DNAH10: variants seen among roughly 807,000 people sequenced by gnomAD.
DNAH10 encodes axonemal beta dynein heavy chain 10.
In DNAH10, 348 loss-of-function variants were observed where a neutral mutation model predicts 506.6. The observed-to-expected ratio is 0.69, with a 90% CI of 0.63 to 0.75. The LOEUF (loss-of-function observed/expected upper bound fraction) is 0.75, where lower values mean the gene tolerates loss of function less well. Among genes scored for constraint, DNAH10 ranks in the 30% least tolerant of loss-of-function variants. DNAH10 has a pLI of 0.00. For missense variants in DNAH10, 5,179 were observed against 5,787.1 expected, an observed-to-expected ratio of 0.89 and a Z score of 3.41; for synonymous variants, 2,059 against 2,198.6, an observed-to-expected ratio of 0.94 and a Z score of 1.78.
chr12:123,806,033 C>T (rs1454533737), intron 18 of DNAH10, among the ~76,000 whole-genome samples: 3 of 152,180 alleles, frequency 2.0e-5, no homozygotes, highest in Non-Finnish European at 2.9e-5. Flanking sequence ...GCGTTGGCCT[C>T]CCAAAGTGCT....
intron 77 of DNAH10, among the ~76,000 whole-genome samples, chr12:123,933,871 C>G (rs1459895911): frequency 6.6e-6 from 1 of 152,184 alleles, no homozygotes; most frequent in Non-Finnish European, 1.5e-5. Flanking sequence ...GGCATGGGAG[C>G]CACAGAGCAG....
chr12:123,800,104 T>C, intron 14 of DNAH10, 112 bp from the exon 15 acceptor site: 1 of 988,106 alleles, frequency 1.0e-6, no homozygotes. Context: ...CACCCCCGTC[T>C]GGTGAAGGGC....
In DNAH10 at chr12:123,881,697, T is replaced by G. The variant is rs1189968273; in HGVS notation, c.8707T>G (p.Leu2903Val). ...LVLFDDALEH[L>V]TRVHRIIRMD... is the part of the protein sequence containing the mutation. ...TCTCTTCGACGATGCTCTGGAGCAT[T>G]TAACCCGGGTGCACCGTATCATCCG... is the stretch of plus-strand genomic sequence containing the variant. The change falls in exon 51 of 79, where the codon TTA becomes GTA. Residue 2903 changes from leucine to valine, a missense_variant. Transcript: ENST00000673944. The G allele has an allele frequency of 2.6e-6, 4 of 1,550,464 alleles. No homozygotes were observed. The highest frequency in any genetic ancestry group is 3.5e-6 in the Non-Finnish European group (4 of 1,146,564).
Position 123,902,906 on chromosome 12 carries a change from C to T in DNAH10, c.9641-33C>T. On this transcript the variant is annotated intron_variant, in intron 56 of 78. Transcript: ENST00000673944. This position sits in a 1 kb window ranked among gnomAD's most constrained non-coding sequence, Gnocchi z 4.5. ...GCCGCGAGTGCATCTCCTCTGAGCC[C>T]AAGCTTTACTCACCCCCTGTCCTAC... 2 of 1,554,034 alleles carry T rather than the reference C, an allele frequency of 1.3e-6. No homozygotes were observed. Among genetic ancestry groups the T allele is most frequent in the Non-Finnish European group, 8.7e-7 (1 of 1,149,334 alleles).
In DNAH10 at chr12:123,903,000, C is replaced by T; in HGVS notation, c.9702C>T (p.Val3234=). The T allele has an allele frequency of 6.3e-7, 1 of 1,599,306 alleles. No individual in the cohort carries two copies. Among genetic ancestry groups the T allele is most frequent in the East Asian group, 2.3e-5 (1 of 44,106 alleles). Residue 3234 remains valine (V), a synonymous_variant, in exon 57 of 79, where the codon GTC becomes GTT. Transcript: ENST00000673944. This position sits in a 1 kb window ranked among gnomAD's most constrained non-coding sequence, Gnocchi z 4.5. ...TGGAGATAGAGGAGCAGAACAAAGT[C>T]ATTGCCATGGAGAAGGCCGAGGCCG... The part of the protein sequence containing the change: ...KAMEIEEQNK[V]IAMEKAEAET...
At chr12:123,809,025 A>G in intron 19 of DNAH10, 72 bp downstream of exon 19, 1 of 1,566,550 alleles carries the variant, frequency 6.4e-7, no homozygotes, top group Middle Eastern at 1.7e-4. Context: ...AAGTGCTGGG[A>G]CTATAGGCGT....
intron 18 of DNAH10, among the ~76,000 whole-genome samples, chr12:123,805,869 C>T (rs571304887): frequency 2.0e-5 from 3 of 151,650 alleles, no homozygotes; most frequent in Non-Finnish European, 4.4e-5. Flanking sequence ...CTCCGCCTCC[C>T]GGGTTCATGC....
rs2137281565 is a variant in DNAH10 at position 123,902,018 on chromosome 12, C to G, written c.9641-921C>G. On this transcript the variant is annotated intron_variant, in intron 56 of 78. Transcript: ENST00000673944. This position sits in a 1 kb window ranked among gnomAD's most constrained non-coding sequence, Gnocchi z 4.5. ...AGGCCAAAGTCTGACATCAAGGTGC[C>G]AGGACCATGCTCCCTCTGAAAGCTC... Among the ~76,000 whole-genome samples, 1 of 152,286 alleles carries G rather than the reference C, an allele frequency of 6.6e-6. No individual in the cohort carries two copies. Among genetic ancestry groups the G allele is most frequent in the South Asian group, 2.1e-4 (1 of 4,818 alleles).
intron 51 of DNAH10, among the ~76,000 whole-genome samples, chr12:123,885,838 A>C (rs933826542): frequency 5.3e-5 from 8 of 152,066 alleles, no homozygotes; most frequent in African/African-American, 1.4e-4. Flanking sequence ...TTAATAGTAA[A>C]GTTTGAATAT....
At chr12:123,849,032 T>G in intron 34 of DNAH10, 150 bp downstream of exon 34, 1 of 981,364 alleles carries the variant, frequency 1.0e-6, no homozygotes, top group East Asian at 2.6e-5. Context: ...ATTGAGATGA[T>G]TGGGTTTCCA....
rs1959007399 is a variant in DNAH10 at position 123,813,158 on chromosome 12, T to C, written c.3145-6T>C. ...CTGTCTTTTCTCCTAATTCTTACTTTGCCAGCATTTTGTTCGTTGGATGAA... is the reference window on the plus strand; with the variant it reads ...CTGTCTTTTCTCCTAATTCTTACTTCGCCAGCATTTTGTTCGTTGGATGAA... On this transcript the variant is annotated splice_region_variant and splice_polypyrimidine_tract_variant and intron_variant, in intron 19 of 78. Coordinates refer to ENST00000673944, the MANE Select transcript of DNAH10 (RefSeq NM_001372106.1). 1 of 1,594,758 alleles carries C rather than the reference T, an allele frequency of 6.3e-7. No individual in the cohort carries two copies. The highest frequency in any genetic ancestry group is 1.4e-5 in the African/African-American group (1 of 74,042).
intron 14 of DNAH10, 105 bp from the exon 15 acceptor site, chr12:123,800,111 G>A (rs1958427870): frequency 3.7e-6 from 4 of 1,084,038 alleles, no homozygotes; most frequent in Middle Eastern, 3.0e-4. Flanking sequence ...GTCTGGTGAA[G>A]GGCCCAGTGT....
intron 18 of DNAH10, among the ~76,000 whole-genome samples, chr12:123,808,462 TGGAAAGGATGGA>T (rs906349071): frequency 3.9e-5 from 6 of 152,154 alleles, no homozygotes; most frequent in Middle Eastern, 3.2e-3. Flanking sequence ...ACTTTCATCC[TGGAAAGGATGGA>T]GCCAGTAGGG....
In DNAH10 at chr12:123,868,129, G is replaced by C; in HGVS notation, c.7519+10G>C. 6.2e-7 allele frequency: 1 copy of C among 1,609,682 alleles called. No homozygotes were observed. Among genetic ancestry groups the C allele is most frequent in the Non-Finnish European group, 8.5e-7 (1 of 1,178,188 alleles). ...CCTGGGGAACTGCCAGGTGGGAACC[G>C]AGTGTCGCCTGTTTCCCTGCTCTGA... On this transcript the variant is annotated intron_variant, in intron 43 of 78. Coordinates refer to ENST00000673944, the MANE Select transcript of DNAH10 (RefSeq NM_001372106.1).
At position 123,914,990 on chromosome 12, in the gene DNAH10, C is replaced by T. The variant is rs548026287; in HGVS notation, c.10713C>T (p.Asn3571=). The change falls in exon 62 of 79, where the codon AAC becomes AAT. Residue 3571 remains asparagine (N), a synonymous_variant. Coordinates refer to ENST00000673944, the MANE Select transcript of DNAH10 (RefSeq NM_001372106.1). The stretch of plus-strand genomic sequence containing the variant: ...GGATCAAGAGAAAAGAGGAGAAGAA[C>T]AATCTGCGGGTATGGTGGCTCCTCC... ...LNWIKRKEEK[N]NLRVASFNDP... The T allele has an allele frequency of 5.8e-5, 93 of 1,607,578 alleles. No individual in the cohort carries two copies. The highest frequency in any genetic ancestry group is 5.3e-4 in the South Asian group (48 of 89,802).
At position 123,935,384 on chromosome 12, in the gene DNAH10, T is replaced by C. The variant is rs754327881; in HGVS notation, c.13673T>C (p.Met4558Thr). Reference protein sequence around the residue: ...VYTTSMRRNAMGVGLVFEADL... With the variant: ...VYTTSMRRNATGVGLVFEADL... The stretch of plus-strand genomic sequence containing the variant: ...ACCACCTCCATGAGAAGGAACGCCA[T>C]GGGAGTCGGCTTGGTTTTTGAAGCT... The change falls in exon 79 of 79, where the codon ATG becomes ACG. Residue 4558 changes from methionine (M) to threonine (T), a missense_variant. By Grantham distance (81) the Met-to-Thr change is moderately conservative (BLOSUM62 -1). This residue lies in a region of DNAH10 where 4,844 missense variants were observed against 5,430.5 expected (regional missense o/e 0.89). Coordinates refer to ENST00000673944, the MANE Select transcript of DNAH10 (RefSeq NM_001372106.1). The C allele has an allele frequency of 5.0e-6, 8 of 1,611,936 alleles. No individual in the cohort carries two copies. Among genetic ancestry groups the C allele is most frequent in the Non-Finnish European group, 5.9e-6 (7 of 1,178,072 alleles).
chr12:123,856,326 G>A (rs1040130046), intron 36 of DNAH10, among the ~76,000 whole-genome samples: 11 of 148,246 alleles, frequency 7.4e-5, no homozygotes, highest in East Asian at 5.8e-4. Flanking sequence ...GTGTGTGTGT[G>A]TATATCTATC....
chr12:123,892,791 C>T (rs1953046090), intron 52 of DNAH10, among the ~76,000 whole-genome samples: 2 of 152,216 alleles, frequency 1.3e-5, no homozygotes, highest in South Asian at 4.1e-4. Flanking sequence ...TGTGGTGGGG[C>T]TCTCCTGGGC....
chr12:123,870,556 A>C, intron 44 of DNAH10, 71 bp downstream of exon 44: 1 of 1,546,552 alleles, frequency 6.5e-7, no homozygotes, highest in Non-Finnish European at 8.7e-7. Flanking sequence ...GAGGCAAAGA[A>C]GATCCCATGG....
Sources: allele counts gnomAD v4.1 joint callset (sites outside exome capture counted in the v4.1 genomes callset), GRCh38; gene constraint gnomAD v4.1.1; regional missense constraint gnomAD v4.1.1; non-coding constraint Gnocchi (gnomAD v3.1); transcripts MANE v1.5; gene names NCBI Gene and HGNC (gene_info 2026-07-23, HGNC 2026-07-21).